Variants in DDX10 observed in about 807,000 individuals in gnomAD.
DDX10 encodes the protein probable ATP-dependent RNA helicase DDX10.
A neutral mutation model predicts 104.3 loss-of-function variants in DDX10; 74 were observed. The ratio of observed to expected loss-of-function variants is 0.71; its 90% CI spans 0.59 to 0.86. DDX10 has a LOEUF of 0.86. Among genes scored for constraint, DDX10 ranks in the 40% least tolerant of loss-of-function variants. DDX10 has a pLI of 0.00. For missense variants in DDX10, 952 were observed against 1,040.0 expected (o/e 0.92, Z 1.16); for synonymous variants, 351 against 353.4 (o/e 0.99, Z 0.08).
chr11:108,919,516 A>C (rs1863796645), intron 17 of DDX10: 1 of 152,176 alleles, frequency 6.6e-6, no homozygotes, highest in Non-Finnish European at 1.5e-5. Flanking sequence ...CCTCTTTTAG[A>C]ATGGTTTATG....
chr11:108,701,917 C>T (rs1323644650), intron 9 of DDX10, among the ~76,000 whole-genome samples: 1 of 152,102 alleles, frequency 6.6e-6, no homozygotes. Context: ...AACTCCTGAC[C>T]TCAGGTGATC....
chr11:108,838,836 C>T (rs1259344518), intron 14 of DDX10, among the ~76,000 whole-genome samples: 1 of 152,174 alleles, frequency 6.6e-6, no homozygotes, highest in Non-Finnish European at 1.5e-5. Flanking sequence ...AAGGTTTTCT[C>T]TTCATGGTAT....
intron 8 of DDX10, among the ~76,000 whole-genome samples, chr11:108,692,814 A>G (rs952168508): frequency 7.2e-5 from 11 of 152,134 alleles, no homozygotes; most frequent in African/African-American, 2.7e-4. Flanking sequence ...GCCTCGATCT[A>G]CCAGGCTCAA....
chr11:108,775,491 A>G (rs774410110), intron 13 of DDX10, among the ~76,000 whole-genome samples: 11 of 152,242 alleles, frequency 7.2e-5, no homozygotes, highest in Non-Finnish European at 1.5e-4. Context: ...GAGTCAAGTT[A>G]TGGAGACCTA....
intron 13 of DDX10, among the ~76,000 whole-genome samples, chr11:108,753,099 G>T (rs2094340603): frequency 6.6e-6 from 1 of 151,990 alleles, no homozygotes; most frequent in Non-Finnish European, 1.5e-5. Context: ...CTTTATTTCA[G>T]AAGGGAGAAC....
At chr11:108,666,588 A>AG (rs1374361151) in intron 1 of DDX10, among the ~76,000 whole-genome samples, 1 of 152,210 alleles carries the variant, frequency 6.6e-6, no homozygotes, top group Admixed American at 6.5e-5. Flanking sequence ...AGGTGTCAGC[A>AG]GGGACTTGCT....
chr11:108,802,010 GGTGTGTGTGTGT>G (rs111450290), intron 13 of DDX10, among the ~76,000 whole-genome samples: 1 of 141,944 alleles, frequency 7.0e-6, no homozygotes, highest in Non-Finnish European at 1.6e-5. Flanking sequence ...AAGTGAGTGG[GGTGTGTGTGTGT>G]GTGTGTGTGT....
At chr11:108,911,334 T>C (rs530047945) in intron 16 of DDX10, among the ~76,000 whole-genome samples, 23 of 152,266 alleles carry the variant, frequency 1.5e-4, no homozygotes, top group Non-Finnish European at 2.6e-4. Context: ...AGTTAACTGC[T>C]TGCAGTTCTA....
At chr11:108,686,445 A>G (rs892456873) in intron 6 of DDX10, among the ~76,000 whole-genome samples, 10 of 152,098 alleles carry the variant, frequency 6.6e-5, no homozygotes, top group Non-Finnish European at 8.8e-5. Flanking sequence ...CTGTCTCCAT[A>G]GTGTCATCTT....
chr11:108,698,563 G>A (rs2094263062), intron 9 of DDX10, among the ~76,000 whole-genome samples: 1 of 152,180 alleles, frequency 6.6e-6, no homozygotes, highest in Admixed American at 6.5e-5. Flanking sequence ...GAGTAGATAA[G>A]GAGGGCTGAT....
intron 13 of DDX10, among the ~76,000 whole-genome samples, chr11:108,774,748 A>T (rs949722827): frequency 6.6e-6 from 1 of 152,164 alleles, no homozygotes; most frequent in African/African-American, 2.4e-5. Flanking sequence ...AGTTTGTATG[A>T]TGGAGAAATA....
At chr11:108,692,520 G>A (rs2094254246) in intron 8 of DDX10, among the ~76,000 whole-genome samples, 1 of 152,168 alleles carries the variant, frequency 6.6e-6, no homozygotes, top group Admixed American at 6.5e-5. Flanking sequence ...GACGGGGATG[G>A]ACGTAACTAG....
At chr11:108,914,859 C>G (rs1863726281) in intron 16 of DDX10, among the ~76,000 whole-genome samples, 1 of 147,000 alleles carries the variant, frequency 6.8e-6, no homozygotes, top group Non-Finnish European at 1.5e-5. Flanking sequence ...ACTGGAAATC[C>G]TAGAGCTGAA....
intron 9 of DDX10, among the ~76,000 whole-genome samples, chr11:108,698,243 G>A (rs1780684795): frequency 6.6e-6 from 1 of 152,190 alleles, no homozygotes. Flanking sequence ...TCTTTAATTG[G>A]TTTGTGAATT....
chr11:108,741,532 C>G (rs937273665), intron 13 of DDX10, among the ~76,000 whole-genome samples: 2 of 152,020 alleles, frequency 1.3e-5, no homozygotes, highest in African/African-American at 4.8e-5. Context: ...TCCTGGTTAG[C>G]TGTATTCCTA....
intron 16 of DDX10, among the ~76,000 whole-genome samples, chr11:108,877,024 G>T (rs1211751032): frequency 6.6e-6 from 1 of 152,086 alleles, no homozygotes; most frequent in African/African-American, 2.4e-5. Context: ...TGAAGAAATG[G>T]CTAGAAACAC....
intron 16 of DDX10, among the ~76,000 whole-genome samples, chr11:108,865,180 G>A (rs994620389): frequency 3.3e-5 from 5 of 152,152 alleles, no homozygotes; most frequent in African/African-American, 1.2e-4. Flanking sequence ...TGGCCCTGGT[G>A]TGTTAGGTGG....
chr11:108,737,410 G>C (rs922239768), intron 13 of DDX10, among the ~76,000 whole-genome samples: 1 of 152,206 alleles, frequency 6.6e-6, no homozygotes, highest in East Asian at 1.9e-4. Flanking sequence ...GGTGACAGAC[G>C]GTCTTGATAT....
intron 13 of DDX10, among the ~76,000 whole-genome samples, chr11:108,769,706 A>G (rs776131884): frequency 6.6e-6 from 1 of 152,092 alleles, no homozygotes; most frequent in Non-Finnish European, 1.5e-5. Context: ...GTTTGAAAAC[A>G]TGTCCCTCCA....
Sources: gnomAD v4.1 joint callset for allele counts (sites outside exome capture counted in the v4.1 genomes callset) on GRCh38, gnomAD v4.1.1 for gene constraint, MANE v1.5 for transcripts, NCBI Gene and HGNC (gene_info 2026-07-23, HGNC 2026-07-21) for gene names.